Variants in ARHGAP39 observed in about 807,000 individuals in gnomAD.
The protein encoded by ARHGAP39 is rho GTPase-activating protein 39.
A neutral mutation model predicts 106.9 loss-of-function variants in ARHGAP39; 44 were observed. That is an observed-to-expected ratio of 0.41 (90% confidence interval 0.32 to 0.53). The LOEUF (loss-of-function observed/expected upper bound fraction) is 0.53. Ranked by LOEUF, ARHGAP39 falls within the 20% of genes least tolerant of loss-of-function variation. The pLI is 0.21. For synonymous variants in ARHGAP39, 768 were observed against 693.2 expected, an observed-to-expected ratio of 1.11 and a Z score of -1.69; for missense variants, 1,496 against 1,577.3, an observed-to-expected ratio of 0.95 and a Z score of 0.87.
At position 144,530,055 on chromosome 8, in the gene ARHGAP39, G is replaced by A; in HGVS notation, c.*367C>T. 1 of 257,140 alleles carries A rather than the reference G, an allele frequency of 3.9e-6. No homozygotes were observed. The highest frequency in any genetic ancestry group is 7.5e-6 in the Non-Finnish European group (1 of 134,096). 15.9% of individuals were successfully genotyped at this position (257,140 alleles called of 1,614,324 possible). On this transcript the variant is annotated 3_prime_UTR_variant, in exon 12 of 12. Transcript: ENST00000377307. Reference sequence around the variant, plus strand: ...GGAGAGACCGGGGCGGCTGGGCAAGGCCCAGGCCAGGGCGCGCAGGAGCCA... The same window carrying A: ...GGAGAGACCGGGGCGGCTGGGCAAGACCCAGGCCAGGGCGCGCAGGAGCCA...
chr8:144,605,488 C>T (rs1458342649), intron 2 of ARHGAP39, 47 bp downstream of exon 2: 57 of 1,587,346 alleles, frequency 3.6e-5, no homozygotes, highest in Non-Finnish European at 4.9e-5. Context: ...AGCAGTTCCA[C>T]CCACTCGTGA....
At chr8:144,648,689 C>T (rs963732939) in intron 1 of ARHGAP39, among the ~76,000 whole-genome samples, 1 of 152,226 alleles carries the variant, frequency 6.6e-6, no homozygotes, top group African/African-American at 2.4e-5. Flanking sequence ...ACCCTAGCTT[C>T]CCAATGAATC....
chr8:144,692,823 G>A, the ARHGAP39 span, among the ~76,000 whole-genome samples: 1 of 133,778 alleles, frequency 7.5e-6, no homozygotes, highest in African/African-American at 2.9e-5. Flanking sequence ...GCAATGGTGT[G>A]ATCTCGGCTC....
upstream of ARHGAP39, among the ~76,000 whole-genome samples, chr8:144,688,656 G>A (rs1022153906): frequency 1.3e-5 from 2 of 152,156 alleles, no homozygotes; most frequent in Admixed American, 6.5e-5. Flanking sequence ...TGGGAAGGTC[G>A]AGGCTGTGGT....
upstream of ARHGAP39, among the ~76,000 whole-genome samples, chr8:144,687,096 CACACT>C (rs1822620220): frequency 2.2e-5 from 1 of 45,818 alleles, no homozygotes; most frequent in African/African-American, 1.1e-4. Flanking sequence ...CCCGTGACCA[CACACT>C]GGCGGCGACC....
chr8:144,647,467 A>C lies in ARHGAP39; in HGVS notation c.-82+38219T>G, dbSNP rs578024846. The stretch of plus-strand genomic sequence containing the variant: ...GTGCTCACAATGTCCATGGCCCCAG[A>C]ACATTCCCACAAGGAAAGGCTATCG... On this transcript the variant is annotated intron_variant, in intron 1 of 11. Coordinates refer to ENST00000377307, the MANE Select transcript of ARHGAP39 (RefSeq NM_025251.3). This position sits in a 1 kb window ranked among gnomAD's most constrained non-coding sequence, Gnocchi z 4.8. 6.6e-6 allele frequency among the ~76,000 whole-genome samples: 1 copy of C among 152,274 alleles called. No individual in the cohort carries two copies. Among genetic ancestry groups the C allele is most frequent in the Non-Finnish European group, 1.5e-5 (1 of 68,006 alleles).
rs138513361 is a variant in ARHGAP39, at chr8:144,545,442, G to A, written c.2328C>T (p.Ser776=). Residue 776 remains serine, a synonymous_variant, in exon 6 of 12, where the codon AGC becomes AGT. Coordinates refer to ENST00000377307, the MANE Select transcript of ARHGAP39 (RefSeq NM_025251.3). ...AGAGCTCGTCCCGCAGGCCCTGCAC[G>A]CTCCAGCCCTTGGTGGCCACCTCCA... ...VALEVATKGW[S]VQGLRDELYI... 59 of 1,589,686 alleles carry A rather than the reference G, an allele frequency of 3.7e-5. No homozygotes were observed. Among genetic ancestry groups the A allele is most frequent in the South Asian group, 2.4e-4 (22 of 90,178 alleles).
chr8:144,556,002 G>C (rs902355820), intron 3 of ARHGAP39, among the ~76,000 whole-genome samples: 2 of 152,210 alleles, frequency 1.3e-5, no homozygotes, highest in African/African-American at 4.8e-5. Flanking sequence ...AATAGCCTTG[G>C]AGACCAGGCA....
At chr8:144,602,538 G>A (rs1563701006) in intron 2 of ARHGAP39, among the ~76,000 whole-genome samples, 2 of 138,138 alleles carry the variant, frequency 1.4e-5, no homozygotes, top group Non-Finnish European at 3.1e-5. Flanking sequence ...TCGTGTACCT[G>A]TGTGTGCATG....
intron 3 of ARHGAP39, among the ~76,000 whole-genome samples, chr8:144,578,373 T>G (rs1281845057): frequency 2.0e-5 from 3 of 152,068 alleles, no homozygotes; most frequent in Non-Finnish European, 2.9e-5. Flanking sequence ...GGATTACAGG[T>G]GTGAACAACC....
chr8:144,605,631 G>T lies in ARHGAP39; in HGVS notation c.-17C>A. ...CTGGGACATCGCTGTTTGCTTCCGC[G>T]CCCACGTGGACAGACGTCAGGGCAC... On this transcript the variant is annotated 5_prime_UTR_variant, in exon 2 of 12. Coordinates refer to ENST00000377307, the MANE Select transcript of ARHGAP39 (RefSeq NM_025251.3). 1 of 1,611,836 alleles carries T rather than the reference G, an allele frequency of 6.2e-7. No individual in the cohort carries two copies. Among genetic ancestry groups the T allele is most frequent in the Non-Finnish European group, 8.5e-7 (1 of 1,179,808 alleles).
intron 3 of ARHGAP39, among the ~76,000 whole-genome samples, chr8:144,577,798 A>G (rs144229152): frequency 4.8e-4 from 73 of 152,376 alleles, no homozygotes; most frequent in African/African-American, 1.7e-3. Context: ...TAACATATCT[A>G]GGAAGAAACT....
At chr8:144,567,888 A>T (rs778056791) in intron 3 of ARHGAP39, among the ~76,000 whole-genome samples, 11 of 151,752 alleles carry the variant, frequency 7.2e-5, no homozygotes, top group Non-Finnish European at 1.3e-4. Context: ...GTATCCAATA[A>T]ATATCAGCGC....
At chr8:144,549,293 C>T (rs967947188) in intron 4 of ARHGAP39, among the ~76,000 whole-genome samples, 3 of 152,262 alleles carry the variant, frequency 2.0e-5, no homozygotes, top group African/African-American at 7.2e-5. Context: ...GGACCCAGGA[C>T]GCTGCCAGGG....
chr8:144,681,216 A>G (rs1822408575), intron 1 of ARHGAP39, among the ~76,000 whole-genome samples: 1 of 152,250 alleles, frequency 6.6e-6, no homozygotes, highest in Non-Finnish European at 1.5e-5. Flanking sequence ...AGGCAAGCAC[A>G]GTGGCAGCAG....
In ARHGAP39 at chr8:144,545,527, T is replaced by C. The variant is rs202021282; in HGVS notation, c.2243A>G (p.Lys748Arg). ...HVKKEACELFKLIQMYMGDRR... is the reference protein window; with the variant it reads ...HVKKEACELFRLIQMYMGDRR... ...GTCACCCATGTACATCTGGATCAGC[T>C]TGAAGAGCTCGCAGGCCTCCTTCTT... Residue 748 changes from lysine (K) to arginine (R), a missense_variant, in exon 6 of 12, where the codon AAG (lysine) becomes AGG (arginine). Around this residue, in one of 4 missense-constraint regions of ARHGAP39, gnomAD observed 470 missense variants for 605.1 expected, o/e 0.78. Transcript: ENST00000377307. 7.4e-6 allele frequency: 12 copies of C among 1,613,516 alleles called. No individual in the cohort carries two copies. The highest frequency in any genetic ancestry group is 4.0e-5 in the African/African-American group (3 of 75,044).
At chr8:144,535,258 C>G (rs1816907767) in intron 7 of ARHGAP39, among the ~76,000 whole-genome samples, 1 of 152,224 alleles carries the variant, frequency 6.6e-6, no homozygotes, top group Non-Finnish European at 1.5e-5. Flanking sequence ...GAGTCCATCT[C>G]TAATTATCAC....
intron 3 of ARHGAP39, among the ~76,000 whole-genome samples, chr8:144,578,064 G>C (rs1818839507): frequency 6.6e-6 from 1 of 151,998 alleles, no homozygotes; most frequent in Non-Finnish European, 1.5e-5. Context: ...GCTCCAAATA[G>C]CCAAAACAAC....
intron 1 of ARHGAP39, among the ~76,000 whole-genome samples, chr8:144,654,102 G>A (rs1178626556): frequency 1.3e-5 from 2 of 152,318 alleles, no homozygotes; most frequent in East Asian, 3.9e-4. Flanking sequence ...GATGAACACT[G>A]ACCTACAGGA....
Sources: allele counts gnomAD v4.1 joint callset (sites outside exome capture counted in the v4.1 genomes callset), GRCh38; gene constraint gnomAD v4.1.1; regional missense constraint gnomAD v4.1.1; non-coding constraint Gnocchi (gnomAD v3.1); transcripts MANE v1.5; gene names NCBI Gene and HGNC (gene_info 2026-07-23, HGNC 2026-07-21).